SIPA1L3: variants seen among roughly 807,000 people sequenced by gnomAD.
The protein encoded by SIPA1L3 is signal induced proliferation associated 1 like 3, also known as signal-induced proliferation-associated 1-like protein 3.
Under a neutral mutation model 150.1 loss-of-function variants are expected in SIPA1L3, and 59 were observed. The ratio of observed to expected loss-of-function variants is 0.39; its 90% confidence interval spans 0.32 to 0.49. SIPA1L3 has a LOEUF of 0.49. Ranked by LOEUF, SIPA1L3 falls within the 20% of genes least tolerant of loss-of-function variation. SIPA1L3 has a pLI of 0.86. For missense variants in SIPA1L3, 2,211 were observed against 2,489.5 expected (o/e 0.89, Z 2.38); for synonymous variants, 1,070 against 1,077.6 (o/e 0.99, Z 0.14).
intron 1 of SIPA1L3, among the ~76,000 whole-genome samples, chr19:37,912,224 T>C (rs2046382762): frequency 6.9e-6 from 1 of 145,108 alleles, no homozygotes; most frequent in Non-Finnish European, 1.5e-5. Flanking sequence ...GTGACAAGAG[T>C]GACACTCTGT....
At chr19:38,138,904 A>AAAAAAAAAAAAAAAAAAAC (rs796466811) in intron 10 of SIPA1L3, among the ~76,000 whole-genome samples, 18 of 86,958 alleles carry the variant, frequency 2.1e-4, no homozygotes, top group African/African-American at 9.4e-4. Context: ...TCTCAAAAAA[A>AAAAAAAAAAAAAAAAAAAC]AAAAAAAAAA....
In SIPA1L3 at chr19:38,130,651, G is replaced by A. The variant is rs376550640; in HGVS notation, c.3022G>A (p.Val1008Met). ...QAGLRQGSRL[V>M]EICKVAVVTL... is the part of the protein sequence containing the mutation. Reference sequence around the variant, plus strand: ...CGGCCTCCGGCAGGGCAGCCGACTAGTGGAGATCTGCAAGGTGGCCGTGGT... The same window carrying A: ...CGGCCTCCGGCAGGGCAGCCGACTAATGGAGATCTGCAAGGTGGCCGTGGT... The change falls in exon 10 of 22, where the codon GTG becomes ATG. Residue 1008 changes from valine to methionine, a missense_variant. Transcript: ENST00000222345. 10 of 1,613,740 alleles carry A rather than the reference G, an allele frequency of 6.2e-6. No individual in the cohort carries two copies. The highest frequency in any genetic ancestry group is 7.6e-6 in the Non-Finnish European group (9 of 1,180,056).
At chr19:38,018,156 CTTT>C (rs34874664) in intron 1 of SIPA1L3, among the ~76,000 whole-genome samples, 1 of 61,326 alleles carries the variant, frequency 1.6e-5, no homozygotes, top group Non-Finnish European at 3.0e-5. Context: ...CTTTGAGTGT[CTTT>C]TTTTTTTTTT....
rs1447043285 is a variant in SIPA1L3, at chr19:37,968,128, C to T, written c.-379+60770C>T. Among the ~76,000 whole-genome samples the T allele has an allele frequency of 3.8e-5, 4 of 105,574 alleles. No homozygotes were observed. In the East Asian group the frequency reaches 1.8e-3, roughly 47 times the overall value. The allele number at this position is 105,574 out of a possible 152,430, so 69.3% of individuals were successfully genotyped here. A position where few individuals can be genotyped will look rare whatever the true frequency, so the allele number is the denominator to read the frequency against. On this transcript the variant is annotated intron_variant, in intron 1 of 21. Transcript: ENST00000222345. ...CTAGCTTTGTCTCTAGGCTAGAGTG[C>T]AGTGGCGCGATCTCAGCTCATGCAA...
At chr19:38,016,638 A>G (rs578063594) in intron 1 of SIPA1L3, among the ~76,000 whole-genome samples, 1 of 152,028 alleles carries the variant, frequency 6.6e-6, no homozygotes, top group South Asian at 2.1e-4. Flanking sequence ...GATTACGGGC[A>G]CATGCCACCA....
At chr19:37,950,954 C>A (rs564776078) in intron 1 of SIPA1L3, among the ~76,000 whole-genome samples, 1 of 152,270 alleles carries the variant, frequency 6.6e-6, no homozygotes, top group Non-Finnish European at 1.5e-5. Context: ...GGAGCATCTG[C>A]TCCCGCAGGT....
intron 8 of SIPA1L3, among the ~76,000 whole-genome samples, chr19:38,117,621 A>G (rs1331174959): frequency 2.0e-5 from 2 of 98,638 alleles, no homozygotes; most frequent in African/African-American, 5.0e-5. Flanking sequence ...TCCATCTCAG[A>G]AAAAAAAAAA....
intron 13 of SIPA1L3, among the ~76,000 whole-genome samples, chr19:38,161,691 C>T (rs1972092101): frequency 6.6e-6 from 1 of 152,084 alleles, no homozygotes; most frequent in Non-Finnish European, 1.5e-5. Flanking sequence ...CATACCACTG[C>T]ACTCCAGCCT....
At chr19:37,967,139 C>A (rs541870378) in intron 1 of SIPA1L3, among the ~76,000 whole-genome samples, 1 of 152,192 alleles carries the variant, frequency 6.6e-6, no homozygotes, top group East Asian at 1.9e-4. Flanking sequence ...CCCTCAGCTG[C>A]TGGTGGTTTG....
Position 38,081,662 on chromosome 19 carries a change from G to T in SIPA1L3, c.97G>T (p.Asp33Tyr), listed in dbSNP as rs1158336064. The T allele has an allele frequency of 6.2e-7, 1 of 1,612,226 alleles. No homozygotes were observed. The highest frequency in any genetic ancestry group is 1.7e-5 in the Admixed American group (1 of 59,988). ...GDVLPGPHTGDYAPLGFWAQN... is the reference protein window; with the variant it reads ...GDVLPGPHTGYYAPLGFWAQN... ...TGTCCTCCCTGGGCCACACACAGGG[G>T]ACTACGCTCCCTTGGGATTCTGGGC... Residue 33 changes from aspartate (D) to tyrosine (Y), a missense_variant, in exon 3 of 22, where the codon GAC becomes TAC. Physicochemically the swap from Asp to Tyr is radical, Grantham distance 160 (BLOSUM62 -3). Transcript: ENST00000222345.
intron 2 of SIPA1L3, among the ~76,000 whole-genome samples, chr19:38,035,328 C>T (rs1272122441): frequency 6.6e-6 from 1 of 152,196 alleles, no homozygotes; most frequent in Non-Finnish European, 1.5e-5. Context: ...GTTCCTGCTC[C>T]TCTTGCTGGG....
chr19:38,148,419 C>T lies in SIPA1L3; in HGVS notation c.3534-4421C>T, dbSNP rs183634873. On this transcript the variant is annotated intron_variant, in intron 12 of 21. Transcript: ENST00000222345. The stretch of plus-strand genomic sequence containing the variant: ...CACCCCTCAACCCCTGGCAAGGTCA[C>T]ATTGCACCTCTGTGGCTGTGTTAAC... Among the ~76,000 whole-genome samples the T allele has an allele frequency of 6.0e-3, 914 of 151,532 alleles. 8 individuals are homozygous for T. Among genetic ancestry groups the T allele is most frequent in the African/African-American group, 0.021 (870 of 41,270 alleles).
intron 16 of SIPA1L3, among the ~76,000 whole-genome samples, chr19:38,190,112 G>A (rs1442355070): frequency 6.6e-6 from 1 of 152,174 alleles, no homozygotes; most frequent in Non-Finnish European, 1.5e-5. Context: ...AAGTAGGACT[G>A]CTAGTGCAGA....
intron 8 of SIPA1L3, among the ~76,000 whole-genome samples, chr19:38,111,247 G>T (rs926934447): frequency 6.6e-6 from 1 of 151,894 alleles, no homozygotes. Flanking sequence ...ACCCAGGCTG[G>T]TCTTGAACTC....
intron 2 of SIPA1L3, among the ~76,000 whole-genome samples, chr19:38,030,249 T>G (rs1415109745): frequency 6.6e-6 from 1 of 152,126 alleles, no homozygotes; most frequent in African/African-American, 2.4e-5. Flanking sequence ...ACTATGTGAA[T>G]GTACTGGTTT....
Position 38,082,204 on chromosome 19 carries a change from G to T in SIPA1L3, c.639G>T (p.Met213Ile), listed in dbSNP as rs1415788437. ...CCTCGTCCATCGACGTGCAGGGCAT[G>T]CCCGAGCAGAGCTTCTTCGACATCC... ...GSTSSIDVQGMPEQSFFDILN... is the reference protein window; with the variant it reads ...GSTSSIDVQGIPEQSFFDILN... Residue 213 changes from methionine (M) to isoleucine (I), a missense_variant, in exon 3 of 22, where the codon ATG (methionine) becomes ATT (isoleucine). By Grantham distance (10) the Met-to-Ile change is conservative. Coordinates refer to ENST00000222345, the MANE Select transcript of SIPA1L3 (RefSeq NM_015073.3). 5.0e-6 allele frequency: 8 copies of T among 1,603,238 alleles called. No homozygotes were observed. The highest frequency in any genetic ancestry group is 1.1e-5 in the South Asian group (1 of 91,090).
intron 1 of SIPA1L3, among the ~76,000 whole-genome samples, chr19:37,925,204 G>A (rs2046492370): frequency 6.6e-6 from 1 of 152,208 alleles, no homozygotes. Context: ...CATGTCACTA[G>A]GCAATAGGAA....
intron 1 of SIPA1L3, among the ~76,000 whole-genome samples, chr19:37,952,275 T>C (rs1359806017): frequency 6.6e-6 from 1 of 152,164 alleles, no homozygotes; most frequent in Admixed American, 6.5e-5. Context: ...ACATTGGCCC[T>C]TTTTCCCCTC....
At chr19:38,150,668 A>C (rs889675804) in intron 12 of SIPA1L3, among the ~76,000 whole-genome samples, 1 of 151,456 alleles carries the variant, frequency 6.6e-6, no homozygotes, top group African/African-American at 2.4e-5. Context: ...CCTCCCAAGT[A>C]GCTGGGATGT....
Sources: gnomAD v4.1 joint callset for allele counts (sites outside exome capture counted in the v4.1 genomes callset) on GRCh38, gnomAD v4.1.1 for gene constraint, MANE v1.5 for transcripts, NCBI Gene and HGNC (gene_info 2026-07-23, HGNC 2026-07-21) for gene names.